The following CACHD1 variants were observed in gnomAD, a reference collection of about 807,000 sequenced individuals.
The protein encoded by CACHD1 is VWFA and cache domain-containing protein 1.
CACHD1 carries 71 observed loss-of-function variants against 138.7 expected under a neutral mutation model. That is an observed-to-expected ratio of 0.51 (90% CI 0.42 to 0.62). The LOEUF is 0.62. Among genes scored for constraint, CACHD1 ranks in the 20% least tolerant of loss-of-function variants. The pLI is 0.00. For synonymous variants in CACHD1, 578 were observed against 591.5 expected (o/e 0.98, Z 0.33); for missense variants, 1,389 against 1,625.3 (o/e 0.85, Z 2.50).
chr1:64,634,407 G>A, intron 7 of CACHD1, 147 bp downstream of exon 7: 1 of 283,696 alleles, frequency 3.5e-6, no homozygotes, highest in Non-Finnish European at 6.0e-6. Flanking sequence ...TTTACCTTGA[G>A]ACAGAGTCTT....
rs1649053206 is a variant in CACHD1 at position 64,650,450 on chromosome 1, A to G, written c.1391-1711A>G. Among the ~76,000 whole-genome samples, 4 of 152,200 alleles carry G rather than the reference A, an allele frequency of 2.6e-5. No individual in the cohort carries two copies. In the South Asian group the frequency reaches 8.3e-4, roughly 31 times the overall value. ...CTGGGAAAAACCTTCTCCAAAATGC[A>G]TTTCTAAAACCTCCTTAAATACATG... On this transcript the variant is annotated intron_variant, in intron 9 of 26. Transcript: ENST00000651257.
intron 8 of CACHD1, among the ~76,000 whole-genome samples, chr1:64,642,201 C>T (rs1274025201): frequency 3.3e-5 from 5 of 152,188 alleles, no homozygotes; most frequent in Non-Finnish European, 5.9e-5. Context: ...TCTCCACTTA[C>T]GTGGTCTTGC....
chr1:64,684,356 T>G (rs1406758195), intron 26 of CACHD1, among the ~76,000 whole-genome samples: 1 of 144,978 alleles, frequency 6.9e-6, no homozygotes, highest in Non-Finnish European at 1.5e-5. Flanking sequence ...TTCTTCTTCT[T>G]CTTCTTCTTT....
chr1:64,615,904 T>G (rs1187546709), intron 4 of CACHD1, among the ~76,000 whole-genome samples: 2 of 152,208 alleles, frequency 1.3e-5, no homozygotes, highest in Non-Finnish European at 2.9e-5. Flanking sequence ...CATTTTATAC[T>G]TTCATTTTAT....
intron 11 of CACHD1, 66 bp downstream of exon 11, chr1:64,653,947 C>G: frequency 7.5e-7 from 1 of 1,334,158 alleles, no homozygotes; most frequent in Middle Eastern, 2.0e-4. Flanking sequence ...AAGCCACATA[C>G]GAGTATTTAC....
chr1:64,504,849 A>C (rs1646359347), intron 1 of CACHD1, among the ~76,000 whole-genome samples: 1 of 152,066 alleles, frequency 6.6e-6, no homozygotes, highest in Non-Finnish European at 1.5e-5. Flanking sequence ...TGCCTATCTG[A>C]TTGAGACACT....
intron 2 of CACHD1, among the ~76,000 whole-genome samples, chr1:64,556,636 T>C (rs116733110): frequency 0.011 from 1,730 of 151,274 alleles, 39 homozygotes; most frequent in South Asian, 0.092. Flanking sequence ...ATAAAAAACA[T>C]TTTGTGATTT....
intron 8 of CACHD1, among the ~76,000 whole-genome samples, chr1:64,643,913 G>A (rs1458294313): frequency 6.6e-6 from 1 of 152,210 alleles, no homozygotes; most frequent in Non-Finnish European, 1.5e-5. Flanking sequence ...TAGCTCAGAG[G>A]TGGAGCTCTG....
chr1:64,632,828 G>T, intron 6 of CACHD1, 85 bp downstream of exon 6: 1 of 1,448,862 alleles, frequency 6.9e-7, no homozygotes. Context: ...GTGATATACA[G>T]ATCCTCCTTG....
chr1:64,668,409 T>C (rs1358632907), intron 16 of CACHD1, among the ~76,000 whole-genome samples: 1 of 151,264 alleles, frequency 6.6e-6, no homozygotes, highest in Non-Finnish European at 1.5e-5. Context: ...TCCCAACTAC[T>C]CTGGAGGCTG....
At chr1:64,590,623 A>G (rs1213250523) in intron 3 of CACHD1, among the ~76,000 whole-genome samples, 1 of 152,206 alleles carries the variant, frequency 6.6e-6, no homozygotes, top group Non-Finnish European at 1.5e-5. Flanking sequence ...TAAAAGATAC[A>G]ATTTCCATTC....
chr1:64,589,119 C>T (rs977956852), intron 3 of CACHD1, among the ~76,000 whole-genome samples: 2 of 152,046 alleles, frequency 1.3e-5, no homozygotes, highest in Non-Finnish European at 2.9e-5. Context: ...TCACTGATTC[C>T]AAAAATGAAG....
rs1648245100 is a variant in CACHD1, at chr1:64,629,998, C to T, written c.644+517C>T. ...TAACATCCTGCTTTTCTCTCACAGACATGACTTGAGATTCTACCATGTAGC... is the reference window on the plus strand; with the variant it reads ...TAACATCCTGCTTTTCTCTCACAGATATGACTTGAGATTCTACCATGTAGC... On this transcript the variant is annotated intron_variant, in intron 5 of 26. Coordinates refer to ENST00000651257, the MANE Select transcript of CACHD1 (RefSeq NM_020925.4). Among the ~76,000 whole-genome samples, 8 of 152,316 alleles carry T rather than the reference C, an allele frequency of 5.3e-5. No homozygotes were observed. The South Asian group carries it at 1.5e-3, about 28-fold the overall frequency.
chr1:64,691,487 C>T lies in CACHD1; in HGVS notation c.3751C>T (p.His1251Tyr). 1 of 1,614,114 alleles carries T rather than the reference C, an allele frequency of 6.2e-7. No homozygotes were observed. The highest frequency in any genetic ancestry group is 8.5e-7 in the Non-Finnish European group (1 of 1,180,010). The change falls in exon 27 of 27, where the codon CAC (histidine) becomes TAC (tyrosine). Residue 1251 changes from histidine (H) to tyrosine (Y), a missense_variant. Physicochemically the swap from His to Tyr is moderately conservative, Grantham distance 83 (BLOSUM62 2). Coordinates refer to ENST00000651257, the MANE Select transcript of CACHD1 (RefSeq NM_020925.4). ...TCACAAGTTCCACCACTACCGGTCA[C>T]ACCACCCTACACTTCATCATAGCCA... Reference protein sequence around the residue: ...LSHKFHHYRSHHPTLHHSHHL... With the variant: ...LSHKFHHYRSYHPTLHHSHHL...
intron 13 of CACHD1, among the ~76,000 whole-genome samples, chr1:64,660,304 A>G (rs879364637): frequency 4.6e-5 from 7 of 152,086 alleles, no homozygotes; most frequent in Non-Finnish European, 1.0e-4. Context: ...TCCTTTGCAT[A>G]TCTCCCATAG....
intron 3 of CACHD1, among the ~76,000 whole-genome samples, chr1:64,595,077 C>CT (rs1647138733): frequency 6.6e-6 from 1 of 152,186 alleles, no homozygotes; most frequent in African/African-American, 2.4e-5. Context: ...GGACAGGACT[C>CT]TTCCCTCCTC....
intron 26 of CACHD1, among the ~76,000 whole-genome samples, chr1:64,684,195 T>C (rs1168065714): frequency 6.6e-6 from 1 of 152,160 alleles, no homozygotes; most frequent in Non-Finnish European, 1.5e-5. Context: ...GTCTCGCTCT[T>C]GTCACCCAGG....
chr1:64,619,631 G>A (rs2100612730), intron 4 of CACHD1, among the ~76,000 whole-genome samples: 1 of 152,328 alleles, frequency 6.6e-6, no homozygotes, highest in East Asian at 1.9e-4. Context: ...GGATCTAAGA[G>A]CACCTCTCTC....
chr1:64,629,349 C>G lies in CACHD1; in HGVS notation c.518-6C>G. The stretch of plus-strand genomic sequence containing the variant: ...TGGTTATATTTCATTTTCCTTACAC[C>G]TCTAGTTCTTGCAGACAACCTGAAA... On this transcript the variant is annotated splice_polypyrimidine_tract_variant and splice_region_variant and intron_variant, in intron 4 of 26. Transcript: ENST00000651257. 6.2e-7 allele frequency: 1 copy of G among 1,613,738 alleles called. No individual in the cohort carries two copies. Among genetic ancestry groups the G allele is most frequent in the Non-Finnish European group, 8.5e-7 (1 of 1,179,820 alleles).
Sources: gnomAD v4.1 joint callset for allele counts (sites outside exome capture counted in the v4.1 genomes callset) on GRCh38, gnomAD v4.1.1 for gene constraint, MANE v1.5 for transcripts, NCBI Gene and HGNC (gene_info 2026-07-23, HGNC 2026-07-21) for gene names.